DPEP1: variants seen among roughly 807,000 people sequenced by gnomAD.
DPEP1 encodes the protein dipeptidase 1.
DPEP1 carries 50 observed loss-of-function variants against 42.3 expected under a neutral mutation model. The observed-to-expected ratio is 1.18, with a 90% CI of 0.94 to 1.50. The LOEUF (loss-of-function observed/expected upper bound fraction) is 1.50. Ranked by LOEUF, DPEP1 falls within the 40% of genes most tolerant of loss-of-function variation. The pLI, the probability that DPEP1 is intolerant of heterozygous loss-of-function variation, is 0.00. For missense variants in DPEP1, 663 were observed against 553.0 expected, an observed-to-expected ratio of 1.20 and a Z score of -1.99; for synonymous variants, 297 against 234.0, an observed-to-expected ratio of 1.27 and a Z score of -2.46.
intron 1 of DPEP1, among the ~76,000 whole-genome samples, chr16:89,614,271 T>C (rs1432396113): frequency 6.6e-6 from 1 of 152,080 alleles, no homozygotes. Flanking sequence ...GTGCCGGCTG[T>C]TCCTTCCTTG....
At chr16:89,615,529 G>A (rs773693359) in intron 1 of DPEP1, among the ~76,000 whole-genome samples, 40 of 152,344 alleles carry the variant, frequency 2.6e-4, no homozygotes, top group East Asian at 5.8e-4. Flanking sequence ...GGGTGAGGGC[G>A]TGGGTTAAAG....
At position 89,635,335 on chromosome 16, in the gene DPEP1, G is replaced by C. The variant is rs141689949; in HGVS notation, c.105-573G>C. Among the ~76,000 whole-genome samples, 336 of 151,972 alleles carry C rather than the reference G, an allele frequency of 2.2e-3. 1 individual carries two copies. Among genetic ancestry groups the C allele is most frequent in the African/African-American group, 7.7e-3 (319 of 41,270 alleles). On this transcript the variant is annotated intron_variant, in intron 2 of 10. Transcript: ENST00000690203. The stretch of plus-strand genomic sequence containing the variant: ...TTTAGAAGGATCTGATTGGAGTTTG[G>C]GTGCAGGGCTCTTCCCTGGGGACAG...
chr16:89,628,954 G>A (rs1381815453), intron 1 of DPEP1, among the ~76,000 whole-genome samples: 1 of 151,976 alleles, frequency 6.6e-6, no homozygotes, highest in African/African-American at 2.4e-5. Context: ...AGCCTCCTGA[G>A]TAGCTGGGAC....
downstream of DPEP1, among the ~76,000 whole-genome samples, chr16:89,639,556 A>C (rs2059729021): frequency 1.3e-5 from 1 of 78,226 alleles, no homozygotes; most frequent in African/African-American, 5.3e-5. Flanking sequence ...CACACACCCC[A>C]CACCCTGCAC....
chr16:89,625,272 G>A, intron 1 of DPEP1, among the ~76,000 whole-genome samples: 1 of 152,078 alleles, frequency 6.6e-6, no homozygotes. Context: ...TAAGTTCCCT[G>A]CCCCCAGACC....
rs78013215 is a variant in DPEP1 at position 89,621,738 on chromosome 16, G to A, written c.-107+8019G>A. On this transcript the variant is annotated intron_variant, in intron 1 of 10. Coordinates refer to ENST00000690203, the MANE Select transcript of DPEP1 (RefSeq NM_001389466.1). ...TGCATGCACGTGTGTCTGTGTGCAC[G>A]TGGAGGTATCTGAGTGTGCGTTTAC... Among the ~76,000 whole-genome samples the A allele has an allele frequency of 4.7e-3, 711 of 152,346 alleles. 7 individuals carry two copies. Among genetic ancestry groups the A allele is most frequent in the African/African-American group, 0.016 (672 of 41,570 alleles).
rs78315344 is a variant in DPEP1 at position 89,636,626 on chromosome 16, C to A, written c.464C>A (p.Ala155Glu). Reference sequence around the variant, plus strand: ...GACAGCAGTTTGGGCGTCCTGCGGGCACTCTATCAGCTGGGCATGCGGTAC... The same window carrying A: ...GACAGCAGTTTGGGCGTCCTGCGGGAACTCTATCAGCTGGGCATGCGGTAC... ...SIDSSLGVLR[A>E]LYQLGMRYLT... Residue 155 changes from alanine (A) to glutamate (E), a missense_variant, in exon 5 of 11, where the codon GCA (alanine) becomes GAA (glutamate). Transcript: ENST00000690203. 31 of 1,612,634 alleles carry A rather than the reference C, an allele frequency of 1.9e-5. 1 individual carries two copies. The East Asian group carries it at 6.5e-4, about 34-fold the overall frequency.
At chr16:89,621,566 C>T (rs1271209883) in intron 1 of DPEP1, among the ~76,000 whole-genome samples, 1 of 152,136 alleles carries the variant, frequency 6.6e-6, no homozygotes, top group South Asian at 2.1e-4. Flanking sequence ...TGCAGGCTCC[C>T]GATGTTCCCT....
chr16:89,624,573 C>T (rs1485776003), intron 1 of DPEP1, among the ~76,000 whole-genome samples: 2 of 151,508 alleles, frequency 1.3e-5, no homozygotes, highest in Non-Finnish European at 1.5e-5. Flanking sequence ...CTCACACCGT[C>T]GCCCGGGCTG....
chr16:89,616,153 G>T (rs186234411), intron 1 of DPEP1, among the ~76,000 whole-genome samples: 1 of 151,268 alleles, frequency 6.6e-6, no homozygotes, highest in Admixed American at 6.6e-5. Context: ...GGTCCGTGGG[G>T]CTTCGGGGGC....
At chr16:89,621,631 C>T (rs974711991) in intron 1 of DPEP1, among the ~76,000 whole-genome samples, 1 of 152,208 alleles carries the variant, frequency 6.6e-6, no homozygotes, top group Non-Finnish European at 1.5e-5. Context: ...GTCAGATGGG[C>T]CCCACGCTGA....
At chr16:89,637,774 G>A in intron 9 of DPEP1, 62 bp from the exon 10 acceptor site, 1 of 1,612,764 alleles carries the variant, frequency 6.2e-7, no homozygotes, top group Admixed American at 1.7e-5. Flanking sequence ...GAGGGATGAG[G>A]TGGCTGGAGG....
At chr16:89,629,128 T>C (rs927179091) in intron 1 of DPEP1, among the ~76,000 whole-genome samples, 3 of 152,196 alleles carry the variant, frequency 2.0e-5, no homozygotes, top group Non-Finnish European at 4.4e-5. Flanking sequence ...TGCCCAGCTA[T>C]TTTAAAGTTT....
At chr16:89,640,611 C>T (rs1238479854), downstream of DPEP1, 2 of 982,206 alleles carry the variant, frequency 2.0e-6, no homozygotes, top group South Asian at 4.7e-5. Flanking sequence ...GCTGATCATC[C>T]AGGATCCACT....
intron 1 of DPEP1, among the ~76,000 whole-genome samples, chr16:89,628,657 A>G (rs1474757657): frequency 1.3e-5 from 2 of 152,062 alleles, no homozygotes; most frequent in Non-Finnish European, 2.9e-5. Context: ...GCTCTTGGAA[A>G]TGCTCTCCTG....
At chr16:89,621,293 C>T (rs2059443955) in intron 1 of DPEP1, among the ~76,000 whole-genome samples, 2 of 141,428 alleles carry the variant, frequency 1.4e-5, no homozygotes, top group Admixed American at 1.4e-4. Flanking sequence ...GTGGGGGCAA[C>T]CGTGGGGGGC....
rs1567992742 is a variant in DPEP1 at position 89,636,952 on chromosome 16, C to CG, written c.591+19dup. Reference sequence around the variant, plus strand: ...TTTGGGCAGGTGAGTGGGGTGGGAGCGGCCAGTCACCCCCGAGGAGAAGGC... The same window carrying CG: ...TTTGGGCAGGTGAGTGGGGTGGGAGCGGGCCAGTCACCCCCGAGGAGAAGGC... On this transcript the variant is annotated intron_variant, in intron 6 of 10. Transcript: ENST00000690203. 1 of 1,611,290 alleles carries CG rather than the reference C, an allele frequency of 6.2e-7. No individual in the cohort carries two copies. The highest frequency in any genetic ancestry group is 8.5e-7 in the Non-Finnish European group (1 of 1,179,566).
At chr16:89,625,979 C>A (rs1034540508) in intron 1 of DPEP1, among the ~76,000 whole-genome samples, 29 of 152,156 alleles carry the variant, frequency 1.9e-4, no homozygotes, top group Non-Finnish European at 2.8e-4. Context: ...AAGTCCGTGG[C>A]TTTGAGCCTC....
downstream of DPEP1, among the ~76,000 whole-genome samples, chr16:89,641,479 G>C (rs930707861): frequency 1.3e-5 from 2 of 152,150 alleles, no homozygotes; most frequent in African/African-American, 4.8e-5. Flanking sequence ...GTTTGTCCTA[G>C]GTTATAATTG....
Sources: allele counts gnomAD v4.1 joint callset (sites outside exome capture counted in the v4.1 genomes callset), GRCh38; gene constraint gnomAD v4.1.1; transcripts MANE v1.5; gene names NCBI Gene and HGNC (gene_info 2026-07-23, HGNC 2026-07-21).